The following KREMEN1 variants were observed in gnomAD, a reference collection of about 807,000 sequenced individuals.
KREMEN1 encodes the protein kringle containing transmembrane protein 1.
In KREMEN1, 30 loss-of-function variants were observed where a neutral mutation model predicts 46.5. The observed-to-expected ratio is 0.65, with a 90% CI of 0.48 to 0.88. The LOEUF (loss-of-function observed/expected upper bound fraction) is 0.88, where lower values mean the gene tolerates loss of function less well. Ranked by LOEUF, KREMEN1 falls within the 40% of genes least tolerant of loss-of-function variation. The probability of loss-of-function intolerance (pLI) is 0.00; values close to 1 mark genes in which losing one functional copy is unlikely to be tolerated. For missense variants in KREMEN1, 533 were observed against 596.9 expected, an observed-to-expected ratio of 0.89 and a Z score of 1.11; for synonymous variants, 214 against 230.6, an observed-to-expected ratio of 0.93 and a Z score of 0.65.
At chr22:29,104,974 T>G (rs910609498) in intron 3 of KREMEN1, among the ~76,000 whole-genome samples, 10 of 152,202 alleles carry the variant, frequency 6.6e-5, no homozygotes, top group African/African-American at 2.4e-4. Flanking sequence ...TTTCTTAAGC[T>G]CTGACCATCT....
Position 29,143,542 on chromosome 22 carries a change from A to C in KREMEN1, c.*1430A>C, listed in dbSNP as rs541917199. On this transcript the variant is annotated 3_prime_UTR_variant, in exon 9 of 9. Coordinates refer to ENST00000400335, the MANE Select transcript of KREMEN1 (RefSeq NM_001039570.3). ...TGGATCACGAGGTCAGGTGATCGAA[A>C]CCATCCTGGCTAAGATGGTGAAACC... The C allele has an allele frequency of 2.3e-6, 2 of 856,358 alleles. No homozygotes were observed. The highest frequency in any genetic ancestry group is 3.7e-5 in the African/African-American group (2 of 54,586). The allele number at this position is 856,358 out of a possible 1,614,324, so 53.0% of individuals were successfully genotyped here.
At chr22:29,083,759 G>T (rs754642776) in intron 1 of KREMEN1, among the ~76,000 whole-genome samples, 2 of 152,148 alleles carry the variant, frequency 1.3e-5, no homozygotes, top group Non-Finnish European at 2.9e-5. Context: ...TTGAACCTAG[G>T]AGGCGGATGT....
chr22:29,086,229 C>T (rs79144145), intron 1 of KREMEN1, among the ~76,000 whole-genome samples: 1,684 of 152,100 alleles, frequency 0.011, 27 homozygotes, highest in African/African-American at 0.038. Flanking sequence ...TAATCTGGCT[C>T]GACTCTCCTA....
chr22:29,080,941 CT>C (rs71313000), intron 1 of KREMEN1, among the ~76,000 whole-genome samples: 1,608 of 112,132 alleles, frequency 0.014, 30 homozygotes, highest in African/African-American at 0.051. Flanking sequence ...TTTTTTTGTC[CT>C]TTTTTTTTTT....
At chr22:29,165,141 C>T (rs2039042597) in intron 9 of KREMEN1, among the ~76,000 whole-genome samples, 1 of 151,954 alleles carries the variant, frequency 6.6e-6, no homozygotes, top group Admixed American at 6.6e-5. Context: ...CCATTGCACT[C>T]CAGCCTGGGC....
intron 5 of KREMEN1, among the ~76,000 whole-genome samples, chr22:29,126,186 G>C (rs543646564): frequency 1.2e-4 from 18 of 151,590 alleles, no homozygotes; most frequent in Admixed American, 2.0e-4. Context: ...CTTTAGGCTA[G>C]AGGAGGTGCG....
intron 3 of KREMEN1, among the ~76,000 whole-genome samples, chr22:29,108,874 T>C (rs2038101038): frequency 6.6e-6 from 1 of 152,146 alleles, no homozygotes; most frequent in Non-Finnish European, 1.5e-5. Flanking sequence ...ACTGCAGCCT[T>C]GACCTCCCAG....
rs539848829 is a variant in KREMEN1, at chr22:29,142,313, C to T, written c.*201C>T. 15 of 1,303,670 alleles carry T rather than the reference C, an allele frequency of 1.2e-5. No homozygotes were observed. Among genetic ancestry groups the T allele is most frequent in the African/African-American group, 1.5e-5 (1 of 65,966 alleles). The allele number at this position is 1,303,670 out of a possible 1,614,324, so 80.8% of individuals were successfully genotyped here. On this transcript the variant is annotated 3_prime_UTR_variant, in exon 9 of 9. Coordinates refer to ENST00000400335, the MANE Select transcript of KREMEN1 (RefSeq NM_001039570.3). Reference sequence around the variant, plus strand: ...AGAGCCTGGATTCCTCCTGCTTCATCGATTGCACTTAGGAGAGAGACTCAA... The same window carrying T: ...AGAGCCTGGATTCCTCCTGCTTCATTGATTGCACTTAGGAGAGAGACTCAA...
intron 3 of KREMEN1, chr22:29,111,669 G>A: frequency 7.9e-6 from 1 of 127,000 alleles, no homozygotes. Context: ...TTCTGAAGAA[G>A]CAGATTTTAC....
chr22:29,104,547 ATTAG>A (rs1055917167), intron 3 of KREMEN1, among the ~76,000 whole-genome samples: 1 of 152,270 alleles, frequency 6.6e-6, no homozygotes, highest in Admixed American at 6.5e-5. Flanking sequence ...TGCTAAAACT[ATTAG>A]TTATTTAAAG....
In KREMEN1 at chr22:29,145,626, C is replaced by T. The variant is rs1010590531; in HGVS notation, c.*3514C>T. The T allele has an allele frequency of 4.1e-6, 4 of 985,428 alleles. No individual in the cohort carries two copies. Among genetic ancestry groups the T allele is most frequent in the East Asian group, 2.3e-4 (2 of 8,822 alleles). 61.0% of individuals were successfully genotyped at this position (985,428 alleles called of 1,614,324 possible). ...TCTGAGAAGGCAGGCGGGAGGCACA[C>T]GGTGCCCTGTTCTTCCCCGTTTGTC... is the stretch of plus-strand genomic sequence containing the variant. On this transcript the variant is annotated 3_prime_UTR_variant, in exon 9 of 9. Transcript: ENST00000400335.
chr22:29,085,750 G>A (rs2037718622), intron 1 of KREMEN1, among the ~76,000 whole-genome samples: 1 of 152,178 alleles, frequency 6.6e-6, no homozygotes, highest in South Asian at 2.1e-4. Flanking sequence ...AGAGGCAGGT[G>A]GATAGCTTGA....
chr22:29,117,898 C>G (rs2038269058), intron 3 of KREMEN1, among the ~76,000 whole-genome samples: 1 of 152,068 alleles, frequency 6.6e-6, no homozygotes, highest in Non-Finnish European at 1.5e-5. Flanking sequence ...AACAAATTAC[C>G]TCAAAACTTG....
intron 3 of KREMEN1, among the ~76,000 whole-genome samples, chr22:29,108,228 G>A (rs1251127297): frequency 2.0e-5 from 3 of 152,188 alleles, no homozygotes; most frequent in East Asian, 1.9e-4. Flanking sequence ...CGGAGGTTGC[G>A]GTAAGCCTAG....
intron 3 of KREMEN1, among the ~76,000 whole-genome samples, chr22:29,104,761 G>A (rs1013928301): frequency 1.3e-5 from 2 of 152,150 alleles, no homozygotes; most frequent in African/African-American, 2.4e-5. Flanking sequence ...GGGCGTGGTG[G>A]TGCACATCTG....
In KREMEN1 at chr22:29,145,243, T is replaced by A. The variant is rs1281398078; in HGVS notation, c.*3131T>A. On this transcript the variant is annotated 3_prime_UTR_variant, in exon 9 of 9. Transcript: ENST00000400335. The stretch of plus-strand genomic sequence containing the variant: ...TTGAACTTTTAGGAAACTCCTTAGA[T>A]GAGATAAAGTGGGGGTTGGAGGTGG... 2 of 985,310 alleles carry A rather than the reference T, an allele frequency of 2.0e-6. No homozygotes were observed. The highest frequency in any genetic ancestry group is 2.4e-6 in the Non-Finnish European group (2 of 829,998). 61.0% of individuals were successfully genotyped at this position (985,310 alleles called of 1,614,324 possible).
exon 10 of KREMEN1, chr22:29,168,034 A>G (rs1035778057): frequency 2.0e-5 from 3 of 152,280 alleles, no homozygotes; most frequent in African/African-American, 7.2e-5. Context: ...AGTATGAAAT[A>G]AGAATAAGCA....
intron 3 of KREMEN1, among the ~76,000 whole-genome samples, chr22:29,105,818 G>T (rs1182258148): frequency 6.6e-6 from 1 of 152,170 alleles, no homozygotes; most frequent in Non-Finnish European, 1.5e-5. Flanking sequence ...CTAAGAGGAT[G>T]CCAGCAGTTG....
intron 3 of KREMEN1, among the ~76,000 whole-genome samples, chr22:29,101,379 T>G (rs1246588602): frequency 6.6e-6 from 1 of 152,172 alleles, no homozygotes; most frequent in East Asian, 1.9e-4. Flanking sequence ...ATTAAAAAGT[T>G]TATAAAGTAA....
Sources: allele counts gnomAD v4.1 joint callset (sites outside exome capture counted in the v4.1 genomes callset), GRCh38; gene constraint gnomAD v4.1.1; transcripts MANE v1.5; gene names NCBI Gene and HGNC (gene_info 2026-07-23, HGNC 2026-07-21).